UBE3B: variants seen among roughly 807,000 people sequenced by gnomAD.
UBE3B encodes ubiquitin-protein ligase E3B.
Under a neutral mutation model 132.3 loss-of-function variants are expected in UBE3B, and 80 were observed. The ratio of observed to expected loss-of-function variants is 0.60; its 90% CI spans 0.50 to 0.73. The LOEUF is 0.73. Ranked by LOEUF, UBE3B falls within the 30% of genes least tolerant of loss-of-function variation. The pLI is 0.00. For missense variants in UBE3B, 1,196 were observed against 1,362.5 expected, an observed-to-expected ratio of 0.88 and a Z score of 1.92; for synonymous variants, 487 against 520.4, an observed-to-expected ratio of 0.94 and a Z score of 0.87.
chr12:109,524,183 A>C (rs1882037245), intron 22 of UBE3B, 68 bp downstream of exon 22: 9 of 1,598,322 alleles, frequency 5.6e-6, no homozygotes, highest in Non-Finnish European at 6.8e-6. Context: ...GAAGTCCCAG[A>C]AGGAGATGGC....
chr12:109,503,167 A>G lies in UBE3B; in HGVS notation c.1427A>G (p.Gln476Arg), dbSNP rs1566090452. 2 of 1,613,950 alleles carry G rather than the reference A, an allele frequency of 1.2e-6. No homozygotes were observed. Among genetic ancestry groups the G allele is most frequent in the South Asian group, 1.1e-5 (1 of 91,072 alleles). ...CAGACCTCGCTGACAACTCTCACAC[A>G]GATTCGGCTGCAGATACTCACAGGT... ...LYQTSLTTLT[Q>R]IRLQILTGLT... The change falls in exon 14 of 28, where the codon CAG becomes CGG. Residue 476 changes from glutamine (Q) to arginine (R), a missense_variant. Transcript: ENST00000342494.
chr12:109,523,047 T>A (rs116762332), intron 21 of UBE3B, among the ~76,000 whole-genome samples: 84 of 152,214 alleles, frequency 5.5e-4, no homozygotes, highest in African/African-American at 1.9e-3. Context: ...GTCCTTTCCC[T>A]CCCTCACCTC....
chr12:109,524,183 A>T, intron 22 of UBE3B, 68 bp downstream of exon 22: 1 of 1,598,440 alleles, frequency 6.3e-7, no homozygotes, highest in Admixed American at 1.7e-5. Flanking sequence ...GAAGTCCCAG[A>T]AGGAGATGGC....
At position 109,526,303 on chromosome 12, in the gene UBE3B, G is replaced by A. The variant is rs145274967; in HGVS notation, c.2569-55G>A. 265 of 1,565,024 alleles carry A rather than the reference G, an allele frequency of 1.7e-4. 1 individual carries two copies. In the African/African-American group the frequency reaches 3.3e-3, roughly 19 times the overall value. On this transcript the variant is annotated intron_variant, in intron 23 of 27. Transcript: ENST00000342494. ...TGCTGGGCCCTCTCATCTCCGGGAA[G>A]CTTTATTTCCCCATTAGAGTCCTCC... is the stretch of plus-strand genomic sequence containing the variant.
Position 109,483,576 on chromosome 12 carries a change from A to G in UBE3B, c.25A>G (p.Arg9Gly). 1 of 1,597,376 alleles carries G rather than the reference A, an allele frequency of 6.3e-7. No homozygotes were observed. Residue 9 changes from arginine to glycine, a missense_variant, in exon 3 of 28, where the codon AGA becomes GGA. Transcript: ENST00000342494. Reference sequence around the variant, plus strand: ...CATGTTCACCCTGTCTCAGACCTCGAGAGCATGGTTCATCGATAGAGCCCG... The same window carrying G: ...CATGTTCACCCTGTCTCAGACCTCGGGAGCATGGTTCATCGATAGAGCCCG... Reference protein sequence around the residue: MFTLSQTSRAWFIDRARQA... With the variant: MFTLSQTSGAWFIDRARQA...
At chr12:109,496,808 G>A (rs1286019565) in intron 9 of UBE3B, among the ~76,000 whole-genome samples, 1 of 152,194 alleles carries the variant, frequency 6.6e-6, no homozygotes, top group Admixed American at 6.5e-5. Context: ...TGATCTCCAG[G>A]TGTTTCCTTC....
At chr12:109,529,277 G>A (rs1430585994) in intron 24 of UBE3B, among the ~76,000 whole-genome samples, 2 of 152,214 alleles carry the variant, frequency 1.3e-5, no homozygotes, top group Non-Finnish European at 2.9e-5. Flanking sequence ...AGGGCACTGT[G>A]TTCATCACAG....
chr12:109,534,137 G>A lies in UBE3B; in HGVS notation c.3016-454G>A, dbSNP rs1283900414. On this transcript the variant is annotated intron_variant, in intron 27 of 27. Coordinates refer to ENST00000342494, the MANE Select transcript of UBE3B (RefSeq NM_130466.4). The surrounding 1 kb of genome is among the most constrained non-coding windows in gnomAD (Gnocchi z 5.2). Reference sequence around the variant, plus strand: ...GCCTCTCATGATGCAGTTTGAGCCCGTGATGCCACCTTGTACAGGAAGCTA... The same window carrying A: ...GCCTCTCATGATGCAGTTTGAGCCCATGATGCCACCTTGTACAGGAAGCTA... The A allele has an allele frequency of 5.4e-6, 7 of 1,291,692 alleles. No homozygotes were observed. Among genetic ancestry groups the A allele is most frequent in the South Asian group, 1.2e-5 (1 of 80,090 alleles). The allele number at this position is 1,291,692 out of a possible 1,614,324, so 80.0% of individuals were successfully genotyped here.
At chr12:109,514,568 A>G (rs1880769288) in intron 18 of UBE3B, among the ~76,000 whole-genome samples, 1 of 152,162 alleles carries the variant, frequency 6.6e-6, no homozygotes, top group South Asian at 2.1e-4. Context: ...CCGCCTGTGT[A>G]TCACCAAACA....
intron 11 of UBE3B, among the ~76,000 whole-genome samples, chr12:109,498,829 GT>G (rs1030888536): frequency 9.6e-4 from 137 of 142,458 alleles, no homozygotes; most frequent in Middle Eastern, 7.4e-3. Context: ...AGTTTTTTTT[GT>G]TTTTTTTTTT....
chr12:109,485,432 G>A (rs1298995706), intron 4 of UBE3B, among the ~76,000 whole-genome samples: 1 of 152,250 alleles, frequency 6.6e-6, no homozygotes, highest in African/African-American at 2.4e-5. Flanking sequence ...TGGAGGAGGT[G>A]AACCTCATCT....
intron 8 of UBE3B, chr12:109,490,340 G>A: frequency 7.0e-7 from 1 of 1,426,038 alleles, no homozygotes; most frequent in Non-Finnish European, 9.3e-7. Flanking sequence ...TTCTAGCTCT[G>A]TGTCCTCAAA....
chr12:109,498,279 T>G lies in UBE3B; in HGVS notation c.866T>G (p.Ile289Arg), dbSNP rs1566085893. 5 of 1,614,180 alleles carry G rather than the reference T, an allele frequency of 3.1e-6. No homozygotes were observed. The highest frequency in any genetic ancestry group is 4.2e-6 in the Non-Finnish European group (5 of 1,180,016). ...CATGACATGCTTCGTAAATTCATCA[T>G]ATTTTTAAGAGACCAAGATCGATGC... ...ESHDMLRKFI[I>R]FLRDQDRCRD... Residue 289 changes from isoleucine (I) to arginine (R), a missense_variant, in exon 11 of 28, where the codon ATA (isoleucine) becomes AGA (arginine). Ile to Arg is a moderately conservative substitution (Grantham distance 97). Transcript: ENST00000342494.
In UBE3B at chr12:109,505,000, G is replaced by A. The variant is rs921897873; in HGVS notation, c.1450+1810G>A. Among the ~76,000 whole-genome samples the A allele has an allele frequency of 6.6e-5, 10 of 151,716 alleles. No homozygotes were observed. The South Asian group carries it at 1.2e-3, about 19-fold the overall frequency. On this transcript the variant is annotated intron_variant, in intron 14 of 27. Transcript: ENST00000342494. ...TTTTTTTTGTATTTTTAGTTGAGAC[G>A]GGGTTTCACTGTGTTAGCCAGGATG...
intron 24 of UBE3B, 114 bp downstream of exon 24, chr12:109,526,530 TATC>T: frequency 8.9e-7 from 1 of 1,127,226 alleles, no homozygotes; most frequent in Admixed American, 2.1e-5. Context: ...AGGCCATAAA[TATC>T]ATAATGGAAT....
intron 18 of UBE3B, among the ~76,000 whole-genome samples, chr12:109,511,891 G>T (rs1353628154): frequency 6.6e-6 from 1 of 152,156 alleles, no homozygotes; most frequent in East Asian, 1.9e-4. Flanking sequence ...GCACTAGGGT[G>T]GGCCCTGGGA....
chr12:109,518,871 A>G (rs1275861487), intron 19 of UBE3B, among the ~76,000 whole-genome samples: 3 of 152,058 alleles, frequency 2.0e-5, no homozygotes, highest in Non-Finnish European at 4.4e-5. Context: ...TTGTTATCCC[A>G]GTTGTCGTAA....
intron 27 of UBE3B, chr12:109,533,934 T>TCCTACC: frequency 7.6e-7 from 1 of 1,317,830 alleles, no homozygotes; most frequent in Non-Finnish European, 9.9e-7. Flanking sequence ...CGAATGCTAC[T>TCCTACC]CCTACCCCAG....
chr12:109,486,580 C>CAAAAAAAAAAAAAAAAA lies in UBE3B; in HGVS notation c.447+12_447+28dup, dbSNP rs201336062. 2.8e-5 allele frequency: 16 copies of CAAAAAAAAAAAAAAAAA among 562,748 alleles called. No individual in the cohort carries two copies. Among genetic ancestry groups the CAAAAAAAAAAAAAAAAA allele is most frequent in the African/African-American group, 8.6e-5 (3 of 34,954 alleles). 34.9% of individuals were successfully genotyped at this position (562,748 alleles called of 1,614,324 possible). On this transcript the variant is annotated splice_donor_region_variant and intron_variant, in intron 6 of 27. Transcript: ENST00000342494. ...GATTTTCTCAAGCAGCTCAAGGTAA[C>CAAAAAAAAAAAAAAAAA]AAAAAAAAAAAAAAAAAAAAAAAGC...
Sources: allele counts gnomAD v4.1 joint callset (sites outside exome capture counted in the v4.1 genomes callset), GRCh38; gene constraint gnomAD v4.1.1; non-coding constraint Gnocchi (gnomAD v3.1); transcripts MANE v1.5; gene names NCBI Gene and HGNC (gene_info 2026-07-23, HGNC 2026-07-21).